OSBPL10: variants seen among roughly 807,000 people sequenced by gnomAD.
The protein encoded by OSBPL10 is oxysterol binding protein like 10, also known as oxysterol-binding protein-related protein 10.
In OSBPL10, 49 loss-of-function variants were observed where a neutral mutation model predicts 81.7. The observed-to-expected ratio is 0.60, with a 90% CI of 0.48 to 0.76. The LOEUF (loss-of-function observed/expected upper bound fraction) is 0.76, where lower values mean the gene tolerates loss of function less well. Among genes scored for constraint, OSBPL10 ranks in the 30% least tolerant of loss-of-function variants. The pLI, the probability that OSBPL10 is intolerant of heterozygous loss-of-function variation, is 0.00. For missense variants in OSBPL10, 923 were observed against 987.8 expected (o/e 0.93, Z 0.88); for synonymous variants, 419 against 383.6 (o/e 1.09, Z -1.08).
chr3:31,758,778 T>TCTC (rs747165355), intron 4 of OSBPL10, among the ~76,000 whole-genome samples: 1 of 152,362 alleles, frequency 6.6e-6, no homozygotes, highest in East Asian at 1.9e-4. Context: ...TGTACATATT[T>TCTC]CTTTCATAAA....
At chr3:31,898,011 AAAAAAAAAAAAAAAAAAAAAAAAAAAC>A (rs796615164) in intron 1 of OSBPL10, among the ~76,000 whole-genome samples, 27 of 36,246 alleles carry the variant, frequency 7.4e-4, no homozygotes, top group African/African-American at 5.1e-3. Context: ...TCTGTCAAAA[AAAAAAAAAAAAAAAAAAAAAAAAAAAC>A]AGAAGAAGAA....
At chr3:31,875,082 TA>T (rs555527834) in intron 3 of OSBPL10, among the ~76,000 whole-genome samples, 1,223 of 103,046 alleles carry the variant, frequency 0.012, 17 homozygotes, top group East Asian at 0.062. Flanking sequence ...ATATATTAAG[TA>T]AAAAAAAAAA....
At chr3:32,009,383 G>A (rs1699232294) in intron 2 of OSBPL10, among the ~76,000 whole-genome samples, 1 of 152,318 alleles carries the variant, frequency 6.6e-6, no homozygotes, top group Admixed American at 6.5e-5. Context: ...TCAAATCCAT[G>A]TCCACATCAG....
chr3:31,680,302 C>T (rs533914738), intron 8 of OSBPL10, among the ~76,000 whole-genome samples: 13 of 152,316 alleles, frequency 8.5e-5, no homozygotes, highest in African/African-American at 2.6e-4. Flanking sequence ...CCCGGCCCAC[C>T]GCCTGCTGCT....
chr3:31,726,111 T>C (rs1283996664), intron 6 of OSBPL10, among the ~76,000 whole-genome samples: 1 of 152,078 alleles, frequency 6.6e-6, no homozygotes, highest in African/African-American at 2.4e-5. Flanking sequence ...AAAAGCCCAG[T>C]TCTGGTCTCT....
chr3:31,925,539 G>A (rs1048704995), intron 1 of OSBPL10, among the ~76,000 whole-genome samples: 13 of 151,656 alleles, frequency 8.6e-5, no homozygotes, highest in South Asian at 2.1e-4. Context: ...GGGGCCGGGC[G>A]CAGTGGCTCA....
chr3:31,717,432 T>C (rs1009653299), intron 6 of OSBPL10, among the ~76,000 whole-genome samples: 13 of 152,206 alleles, frequency 8.5e-5, no homozygotes, highest in Admixed American at 8.5e-4. Context: ...TATTCCGTCC[T>C]GATTTCTGTA....
intron 7 of OSBPL10, among the ~76,000 whole-genome samples, chr3:31,697,202 C>G (rs868009227): frequency 6.6e-6 from 1 of 152,130 alleles, no homozygotes; most frequent in Non-Finnish European, 1.5e-5. Flanking sequence ...TTTAAGAAGT[C>G]GGGCGACCCA....
At chr3:31,827,168 T>G (rs1374440743) in intron 4 of OSBPL10, among the ~76,000 whole-genome samples, 1 of 152,078 alleles carries the variant, frequency 6.6e-6, no homozygotes, top group Admixed American at 6.6e-5. Context: ...TCACCTCAGC[T>G]TCCCAAGTAG....
intron 2 of OSBPL10, among the ~76,000 whole-genome samples, chr3:31,996,253 T>C (rs1453831868): frequency 2.6e-5 from 4 of 152,192 alleles, no homozygotes; most frequent in Non-Finnish European, 5.9e-5. Context: ...AATGTTCCTG[T>C]AAAGAGAAAC....
rs1559535383 is a variant in OSBPL10, at chr3:31,965,828, A to AACATATAATATATATTATCTATT, written c.281+15070_281+15071insAATAGATAATATATATTATATGT. Among the ~76,000 whole-genome samples the AACATATAATATATATTATCTATT allele has an allele frequency of 2.4e-5, 2 of 82,394 alleles. 1 individual carries two copies. Among genetic ancestry groups the AACATATAATATATATTATCTATT allele is most frequent in the South Asian group, 6.9e-4 (2 of 2,900 alleles). 54.1% of individuals were successfully genotyped at this position (82,394 alleles called of 152,430 possible). ...TATTTATATAATATATATTATATAA[A>AACATATAATATATATTATCTATT]TATATAATATATATTATATAAAAAG... On this transcript the variant is annotated intron_variant, in intron 1 of 11. Transcript: ENST00000396556.
chr3:32,029,445 C>G (rs752612041), intron 2 of OSBPL10, among the ~76,000 whole-genome samples: 7 of 152,044 alleles, frequency 4.6e-5, no homozygotes, highest in Non-Finnish European at 7.3e-5. Flanking sequence ...AGAAACTTGC[C>G]CCAGTCTCTC....
chr3:31,963,923 A>C (rs1698240277), intron 1 of OSBPL10, among the ~76,000 whole-genome samples: 2 of 151,820 alleles, frequency 1.3e-5, no homozygotes, highest in Admixed American at 1.3e-4. Flanking sequence ...AATGACATGC[A>C]TGACCACACC....
chr3:31,739,871 A>T (rs1365044391), intron 5 of OSBPL10, among the ~76,000 whole-genome samples: 1 of 152,152 alleles, frequency 6.6e-6, no homozygotes, highest in Non-Finnish European at 1.5e-5. Context: ...TTGTTTTTGC[A>T]TTAATTTTGG....
chr3:32,018,064 C>T (rs866582643), intron 2 of OSBPL10, among the ~76,000 whole-genome samples: 83 of 152,032 alleles, frequency 5.5e-4, no homozygotes, highest in African/African-American at 1.8e-3. Context: ...AGGAGAATCA[C>T]TTGAACCTGG....
chr3:32,030,164 C>T lies in OSBPL10; in HGVS notation n.298+16327G>A, dbSNP rs1467542712. ...TAAAAATTTTACTGCTTCCTTTCGG[C>T]CAGAACCGCCATCTTCCAGTAATTT... On this transcript the variant is annotated intron_variant and non_coding_transcript_variant, in intron 2 of 3. Coordinates refer to the OSBPL10 transcript ENST00000479173. 5 of 221,480 alleles carry T rather than the reference C, an allele frequency of 2.3e-5. No individual in the cohort carries two copies. The Admixed American group carries it at 2.3e-4, about 10-fold the overall frequency. The allele number at this position is 221,480 out of a possible 1,614,324, so 13.7% of individuals were successfully genotyped here. A position where few individuals can be genotyped will look rare whatever the true frequency, so the allele number is the denominator to read the frequency against.
chr3:31,921,798 CA>C (rs1383255428), intron 1 of OSBPL10, among the ~76,000 whole-genome samples: 3 of 152,160 alleles, frequency 2.0e-5, no homozygotes, highest in Non-Finnish European at 4.4e-5. Flanking sequence ...AGAAACTTCA[CA>C]GGGGAAAAAC....
chr3:31,989,081 T>A, intron 2 of OSBPL10: 1 of 1,614,076 alleles, frequency 6.2e-7, no homozygotes, highest in South Asian at 1.1e-5. Context: ...TAAAGACTCA[T>A]GTTACGTGAG....
chr3:31,766,084 C>T (rs11716163), intron 4 of OSBPL10, among the ~76,000 whole-genome samples: 36,987 of 152,008 alleles, frequency 0.24, 5,933 homozygotes, highest in East Asian at 0.57. Context: ...TGCAACAAAG[C>T]CCAGCAGAGC....
Sources: gnomAD v4.1 joint callset for allele counts (sites outside exome capture counted in the v4.1 genomes callset) on GRCh38, gnomAD v4.1.1 for gene constraint, MANE v1.5 for transcripts, NCBI Gene and HGNC (gene_info 2026-07-23, HGNC 2026-07-21) for gene names.